Variants in MAP2 observed in about 807,000 individuals in gnomAD.
MAP2 encodes the protein microtubule associated protein 2.
In MAP2, 14 loss-of-function variants were observed where a neutral mutation model predicts 137.6. The ratio of observed to expected loss-of-function variants is 0.10; its 90% CI spans 0.07 to 0.16. MAP2 has a LOEUF of 0.16. Among genes scored for constraint, MAP2 ranks in the 10% least tolerant of loss-of-function variants. The pLI is 1.00. For missense variants in MAP2, 2,088 were observed against 2,191.5 expected, an observed-to-expected ratio of 0.95 and a Z score of 0.94; for synonymous variants, 786 against 782.3, an observed-to-expected ratio of 1.00 and a Z score of -0.08.
At chr2:209,668,504 G>A (rs1005123799) in intron 5 of MAP2, among the ~76,000 whole-genome samples, 3 of 152,066 alleles carry the variant, frequency 2.0e-5, no homozygotes, top group African/African-American at 7.2e-5. Context: ...TCCATGGGGT[G>A]CATTTATCAA....
intron 5 of MAP2, among the ~76,000 whole-genome samples, chr2:209,661,211 C>G (rs778138076): frequency 6.6e-6 from 1 of 152,124 alleles, no homozygotes; most frequent in African/African-American, 2.4e-5. Context: ...CCCCTGCCTC[C>G]GTTTCTAGAT....
At chr2:209,705,820 A>G (rs1302674097) in intron 12 of MAP2, 93 bp downstream of exon 12, 8 of 1,132,612 alleles carry the variant, frequency 7.1e-6, no homozygotes. Flanking sequence ...TTGTAAAAAT[A>G]AAACATGCAT....
chr2:209,605,630 C>T (rs2084419445), intron 3 of MAP2, among the ~76,000 whole-genome samples: 1 of 152,148 alleles, frequency 6.6e-6, no homozygotes, highest in South Asian at 2.1e-4. Flanking sequence ...TTTCAGCATG[C>T]TCCTTAAAAA....
At chr2:209,716,020 C>T (rs1448887750) in intron 13 of MAP2, among the ~76,000 whole-genome samples, 1 of 152,150 alleles carries the variant, frequency 6.6e-6, no homozygotes, top group African/African-American at 2.4e-5. Context: ...CTGCTCTGCA[C>T]TACCTTAGCG....
rs1692011767 is a variant in MAP2, at chr2:209,424,593, G to A, written c.-222+317G>A. Among the ~76,000 whole-genome samples the A allele has an allele frequency of 1.3e-5, 2 of 152,314 alleles. 1 individual carries two copies. Among genetic ancestry groups the A allele is most frequent in the South Asian group, 4.1e-4 (2 of 4,832 alleles). On this transcript the variant is annotated intron_variant, in intron 1 of 15. Transcript: ENST00000682079. ...TACGCCAGGTTAGAATACGTGTATCGAAAGCCAGTATTACCTGCGCTGTGG... is the reference window on the plus strand; with the variant it reads ...TACGCCAGGTTAGAATACGTGTATCAAAAGCCAGTATTACCTGCGCTGTGG...
Position 209,680,835 on chromosome 2 carries a change from C to T in MAP2, c.454+8C>T, listed in dbSNP as rs573166202. 1.2e-6 allele frequency: 2 copies of T among 1,612,064 alleles called. No individual in the cohort carries two copies. Among genetic ancestry groups the T allele is most frequent in the South Asian group, 2.2e-5 (2 of 90,978 alleles). On this transcript the variant is annotated splice_region_variant and intron_variant, in intron 7 of 15. Transcript: ENST00000682079. ...CTGTCACAGTGGAGGAAGGTAAGGC[C>T]TATTGGACTTTTCAGGGTTTGTCTT... is the stretch of plus-strand genomic sequence containing the variant.
chr2:209,651,075 A>G (rs2094760220), intron 4 of MAP2, among the ~76,000 whole-genome samples: 5 of 152,318 alleles, frequency 3.3e-5, no homozygotes, highest in Admixed American at 2.6e-4. Context: ...AATTTCCTCA[A>G]TCCTTCACAT....
chr2:209,551,133 T>G lies in MAP2; in HGVS notation c.-171-28903T>G, dbSNP rs542442736. On this transcript the variant is annotated intron_variant, in intron 2 of 15. Transcript: ENST00000682079. ...AGAAAATATTGGATTGGGTACAAAG[T>G]TATAGGGCTAGGTAGAAAACATACA... is the stretch of plus-strand genomic sequence containing the variant. Among the ~76,000 whole-genome samples, 50 of 152,224 alleles carry G rather than the reference T, an allele frequency of 3.3e-4. No individual in the cohort carries two copies. In the South Asian group the frequency reaches 0.01, roughly 32 times the overall value.
intron 13 of MAP2, among the ~76,000 whole-genome samples, chr2:209,722,176 A>C (rs886413729): frequency 1.3e-5 from 2 of 152,226 alleles, no homozygotes; most frequent in Non-Finnish European, 2.9e-5. Context: ...AAGCCTGTTT[A>C]AATTGCAACT....
At chr2:209,538,078 C>T (rs1252441863) in intron 2 of MAP2, among the ~76,000 whole-genome samples, 1 of 152,172 alleles carries the variant, frequency 6.6e-6, no homozygotes, top group Non-Finnish European at 1.5e-5. Context: ...ATATTTTGAT[C>T]ATACATGCAC....
intron 1 of MAP2, among the ~76,000 whole-genome samples, chr2:209,465,618 A>G (rs1294561745): frequency 6.6e-6 from 1 of 152,160 alleles, no homozygotes; most frequent in Non-Finnish European, 1.5e-5. Flanking sequence ...GTTATTACAA[A>G]GACAATAATA....
At position 209,693,559 on chromosome 2, in the gene MAP2, A is replaced by T. The variant is rs772694285; in HGVS notation, c.1389A>T (p.Pro463=). The T allele has an allele frequency of 6.2e-7, 1 of 1,612,594 alleles. No individual in the cohort carries two copies. Residue 463 remains proline (P), a synonymous_variant, in exon 8 of 16, where the codon CCA becomes CCT. Coordinates refer to ENST00000682079, the MANE Select transcript of MAP2 (RefSeq NM_001375505.1). ...KEAVPKESKP[P]KPADEEIGII... ...CTGTGCCAAAAGAGAGTAAACCCCC[A>T]AAACCTGCAGATGAAGAAATAGGCA...
chr2:209,451,728 G>A (rs1700363876), intron 1 of MAP2, among the ~76,000 whole-genome samples: 2 of 152,160 alleles, frequency 1.3e-5, no homozygotes, highest in South Asian at 4.2e-4. Flanking sequence ...TTGCTGCTGG[G>A]TGTATGTAGG....
chr2:209,718,185 T>C (rs1224451947), intron 13 of MAP2, among the ~76,000 whole-genome samples: 1 of 152,126 alleles, frequency 6.6e-6, no homozygotes, highest in Non-Finnish European at 1.5e-5. Context: ...ATACTAATTT[T>C]TAAAAATTAT....
chr2:209,609,648 C>T (rs1442438142), intron 3 of MAP2, among the ~76,000 whole-genome samples: 1 of 152,160 alleles, frequency 6.6e-6, no homozygotes, highest in Non-Finnish European at 1.5e-5. Flanking sequence ...ATGCATCATT[C>T]ACTGCTTTTT....
intron 5 of MAP2, among the ~76,000 whole-genome samples, chr2:209,670,609 T>C (rs1370298130): frequency 6.6e-6 from 1 of 152,040 alleles, no homozygotes; most frequent in East Asian, 1.9e-4. Context: ...AAGACTTCAT[T>C]TGAGTACATT....
intron 7 of MAP2, among the ~76,000 whole-genome samples, chr2:209,691,874 G>A (rs1015959666): frequency 1.1e-4 from 16 of 152,118 alleles, no homozygotes; most frequent in Admixed American, 5.2e-4. Flanking sequence ...TATATCTACC[G>A]TACAGACTAA....
rs1701351493 is a variant in MAP2, at chr2:209,455,611, A to G, written c.-222+31335A>G. 3.9e-5 allele frequency among the ~76,000 whole-genome samples: 6 copies of G among 152,346 alleles called. No homozygotes were observed. The South Asian group carries it at 1.2e-3, about 32-fold the overall frequency. ...AAAATTATTAGCATGAATTACTTGT[A>G]TAAAATGCAGAGCATTAATAAAAAA... On this transcript the variant is annotated intron_variant, in intron 1 of 15. Coordinates refer to ENST00000682079, the MANE Select transcript of MAP2 (RefSeq NM_001375505.1).
chr2:209,706,671 T>C (rs899129965), intron 12 of MAP2, among the ~76,000 whole-genome samples: 1 of 152,100 alleles, frequency 6.6e-6, no homozygotes, highest in Non-Finnish European at 1.5e-5. Flanking sequence ...ACTAGAGAAC[T>C]GCTCTGTAGA....
Sources: allele counts gnomAD v4.1 joint callset (sites outside exome capture counted in the v4.1 genomes callset), GRCh38; gene constraint gnomAD v4.1.1; transcripts MANE v1.5; gene names NCBI Gene and HGNC (gene_info 2026-07-23, HGNC 2026-07-21).